RSF1: variants seen among roughly 807,000 people sequenced by gnomAD.
RSF1 encodes the protein HBV pX-associated protein 8.
A neutral mutation model predicts 145.2 loss-of-function variants in RSF1; 13 were observed. The ratio of observed to expected loss-of-function variants is 0.09; its 90% CI spans 0.06 to 0.14. The LOEUF (loss-of-function observed/expected upper bound fraction) is 0.14. RSF1 is among the 10% of genes least tolerant of loss of function. The pLI is 1.00. For synonymous variants in RSF1, 577 were observed against 592.6 expected (o/e 0.97, Z 0.38); for missense variants, 1,517 against 1,718.2 (o/e 0.88, Z 2.07).
At position 77,676,799 on chromosome 11, in the gene RSF1, T is replaced by C. The variant is rs1405424050; in HGVS notation, c.3334A>G (p.Ser1112Gly). The C allele has an allele frequency of 1.2e-5, 19 of 1,613,684 alleles. No individual in the cohort carries two copies. The highest frequency in any genetic ancestry group is 1.6e-5 in the Non-Finnish European group (19 of 1,179,760). ...TAGTAGGAGACCACACACCCATCAC[T>C]GATCTTGAATTCATCCTCGCTCTCT... is the stretch of plus-strand genomic sequence containing the variant. ...EEESEDEFKI[S>G]DGSQDEFVVS... is the part of the protein sequence containing the mutation. Residue 1112 changes from serine to glycine, a missense_variant, in exon 13 of 16, where the codon AGT (serine) becomes GGT (glycine). This residue lies in a region of RSF1 where 231 missense variants were observed against 276.6 expected (regional missense o/e 0.84). Transcript: ENST00000308488.
chr11:77,865,344 T>C, the RSF1 span, among the ~76,000 whole-genome samples: 1 of 152,208 alleles, frequency 6.6e-6, no homozygotes, highest in Admixed American at 6.5e-5. Flanking sequence ...GAGATGTGGA[T>C]AGCACAATTT....
rs1339498688 is a variant in RSF1, at chr11:77,663,411, T to A, written c.*3506A>T. The A allele has an allele frequency of 1.3e-5, 2 of 152,184 alleles. No homozygotes were observed. The highest frequency in any genetic ancestry group is 1.3e-4 in the Admixed American group (2 of 15,272). 9.4% of individuals were successfully genotyped at this position (152,184 alleles called of 1,614,324 possible). ...AGGATGGGTTTCATCAACTAAAAAG[T>A]AAAAACTGGGTACGTGTAACACCCT... On this transcript the variant is annotated 3_prime_UTR_variant, in exon 16 of 16. Transcript: ENST00000308488.
intron 5 of RSF1, among the ~76,000 whole-genome samples, chr11:77,722,581 A>C (rs573636379): frequency 2.6e-5 from 4 of 152,258 alleles, no homozygotes; most frequent in Non-Finnish European, 5.9e-5. Flanking sequence ...TAGAAGGATC[A>C]GGCTTCAAAT....
the RSF1 span, among the ~76,000 whole-genome samples, chr11:77,854,385 C>G: frequency 1.3e-5 from 2 of 152,126 alleles, no homozygotes; most frequent in African/African-American, 2.4e-5. Context: ...TGCCTATGAG[C>G]CTATAAGATC....
intron 7 of RSF1, among the ~76,000 whole-genome samples, chr11:77,697,002 T>C (rs1261841991): frequency 6.6e-6 from 1 of 152,114 alleles, no homozygotes; most frequent in East Asian, 1.9e-4. Flanking sequence ...CAGCACATAA[T>C]ATAGATCAGA....
the RSF1 span, chr11:77,850,761 AACAC>A: frequency 1.5e-5 from 2 of 137,650 alleles, no homozygotes; most frequent in South Asian, 4.4e-4. Context: ...TCTCACTCTA[AACAC>A]ACACACACAT....
At chr11:77,852,224 C>CAAAAAAAAAA in the RSF1 span, among the ~76,000 whole-genome samples, 2 of 33,500 alleles carry the variant, frequency 6.0e-5, 1 homozygote, top group Admixed American at 7.9e-4. Flanking sequence ...GACACTGTCT[C>CAAAAAAAAAA]AAAAAAAAAA....
At chr11:77,828,075 C>T in the RSF1 span, among the ~76,000 whole-genome samples, 1 of 151,990 alleles carries the variant, frequency 6.6e-6, no homozygotes, top group African/African-American at 2.4e-5. Flanking sequence ...GAGTTCAATA[C>T]CAGCCTGGCC....
intron 7 of RSF1, among the ~76,000 whole-genome samples, chr11:77,695,945 C>T (rs1488965632): frequency 6.6e-6 from 1 of 152,154 alleles, no homozygotes; most frequent in African/African-American, 2.4e-5. Context: ...TTGCTCAACC[C>T]TAGTATAGAT....
intron 2 of RSF1, among the ~76,000 whole-genome samples, chr11:77,761,193 C>A (rs181220083): frequency 6.6e-6 from 1 of 152,278 alleles, no homozygotes; most frequent in East Asian, 1.9e-4. Context: ...CCAGCCCTGG[C>A]CTCCCAAAGT....
At chr11:77,818,754 G>T (rs1025299155) in intron 1 of RSF1, among the ~76,000 whole-genome samples, 5 of 152,054 alleles carry the variant, frequency 3.3e-5, no homozygotes. Context: ...ATTCCTGCCT[G>T]GGCAACAGAG....
intron 4 of RSF1, 72 bp downstream of exon 4, chr11:77,740,659 C>T (rs1961487327): frequency 1.4e-6 from 2 of 1,399,020 alleles, no homozygotes; most frequent in African/African-American, 1.4e-5. Flanking sequence ...TGATAGATAA[C>T]ATCCTAGTTT....
Position 77,667,170 on chromosome 11 carries a change from C to T in RSF1, c.4073G>A (p.Gly1358Glu), listed in dbSNP as rs1298602829. ...EEDFENVGKVGSPLDYSLVDL... is the reference protein window; with the variant it reads ...EEDFENVGKVESPLDYSLVDL... ...CACTAAGCTATAGTCCAATGGGCTC[C>T]CCACTTTGCCTACATTTTCAAAGTC... The change falls in exon 16 of 16, where the codon GGG becomes GAG. Residue 1358 changes from glycine (G) to glutamate (E), a missense_variant. Transcript: ENST00000308488. The T allele has an allele frequency of 1.9e-6, 3 of 1,614,194 alleles. No individual in the cohort carries two copies. Among genetic ancestry groups the T allele is most frequent in the Non-Finnish European group, 2.5e-6 (3 of 1,180,030 alleles).
intron 1 of RSF1, among the ~76,000 whole-genome samples, chr11:77,791,497 T>C (rs1346542674): frequency 6.6e-6 from 1 of 152,212 alleles, no homozygotes; most frequent in Non-Finnish European, 1.5e-5. Context: ...AATTTCTCCT[T>C]AGAAAATGGG....
chr11:77,716,070 T>C (rs563865535), intron 5 of RSF1, among the ~76,000 whole-genome samples: 10 of 152,180 alleles, frequency 6.6e-5, no homozygotes, highest in African/African-American at 2.4e-4. Flanking sequence ...CAATGAGTTA[T>C]CACCTAACGC....
chr11:77,683,607 C>A (rs920838532), intron 11 of RSF1, 103 bp downstream of exon 11: 1 of 678,674 alleles, frequency 1.5e-6, no homozygotes, highest in Middle Eastern at 2.7e-4. Flanking sequence ...ATATATACAA[C>A]TGCAATAATC....
intron 6 of RSF1, 50 bp from the exon 7 acceptor site, chr11:77,698,743 T>C: frequency 6.8e-7 from 1 of 1,477,810 alleles, no homozygotes; most frequent in South Asian, 1.1e-5. Flanking sequence ...GAATGTCTTT[T>C]AAAAATCTCC....
At chr11:77,808,199 T>C (rs1590899458) in intron 1 of RSF1, among the ~76,000 whole-genome samples, 1 of 152,062 alleles carries the variant, frequency 6.6e-6, no homozygotes, top group South Asian at 2.1e-4. Flanking sequence ...CTGGGCATGA[T>C]GGTGCGTGCC....
chr11:77,846,772 TTTTA>T, the RSF1 span, among the ~76,000 whole-genome samples: 3 of 152,184 alleles, frequency 2.0e-5, no homozygotes, highest in Non-Finnish European at 4.4e-5. Flanking sequence ...CTCTCCCAGT[TTTTA>T]TTTGTCTGAA....
Sources: allele counts gnomAD v4.1 joint callset (sites outside exome capture counted in the v4.1 genomes callset), GRCh38; gene constraint gnomAD v4.1.1; regional missense constraint gnomAD v4.1.1; transcripts MANE v1.5; gene names NCBI Gene and HGNC (gene_info 2026-07-23, HGNC 2026-07-21).